Variants in DLC1 observed in about 807,000 individuals in gnomAD.
DLC1 encodes rho GTPase-activating protein 7.
A neutral mutation model predicts 140.3 loss-of-function variants in DLC1; 54 were observed. That is an observed-to-expected ratio of 0.38 (90% CI 0.31 to 0.48). The LOEUF (loss-of-function observed/expected upper bound fraction) is 0.48, where lower values mean the gene tolerates loss of function less well. Ranked by LOEUF, DLC1 falls within the 20% of genes least tolerant of loss-of-function variation. The probability of loss-of-function intolerance (pLI) is 0.96; values close to 1 mark genes in which losing one functional copy is unlikely to be tolerated. For synonymous variants in DLC1, 986 were observed against 728.1 expected, an observed-to-expected ratio of 1.35 and a Z score of -5.70; for missense variants, 2,536 against 1,907.0, an observed-to-expected ratio of 1.33 and a Z score of -6.14.
At chr8:13,341,895 G>C (rs974809067) in intron 4 of DLC1, 2 of 152,092 alleles carry the variant, frequency 1.3e-5, no homozygotes, top group African/African-American at 4.8e-5. Flanking sequence ...CATGAAATAA[G>C]GCAAATCAGC....
intron 4 of DLC1, among the ~76,000 whole-genome samples, chr8:13,375,524 G>A (rs1835936982): frequency 6.6e-6 from 1 of 152,082 alleles, no homozygotes; most frequent in Non-Finnish European, 1.5e-5. Context: ...TGAATGCCCT[G>A]GCTAGAACTT....
At position 13,496,786 on chromosome 8, in the gene DLC1, C is replaced by CT. The variant is rs869192950; in HGVS notation, c.1023+2262dup. Among the ~76,000 whole-genome samples the CT allele has an allele frequency of 2.6e-3, 61 of 23,496 alleles. 2 individuals carry two copies. Among genetic ancestry groups the CT allele is most frequent in the African/African-American group, 7.0e-3 (58 of 8,300 alleles). The allele number at this position is 23,496 out of a possible 152,430, so 15.4% of individuals were successfully genotyped here. Reference sequence around the variant, plus strand: ...AATTAACAAATTCTTAGACCATTTCCTTTTTTTTTTTTTTTTTTTTTTTTT... The same window carrying CT: ...AATTAACAAATTCTTAGACCATTTCCTTTTTTTTTTTTTTTTTTTTTTTTTT... On this transcript the variant is annotated intron_variant, in intron 2 of 17. Transcript: ENST00000276297.
At chr8:13,539,287 C>G (rs547085279) in intron 1 of DLC1, among the ~76,000 whole-genome samples, 66 of 152,198 alleles carry the variant, frequency 4.3e-4, no homozygotes, top group South Asian at 3.5e-3. Flanking sequence ...GCAAGCTCTG[C>G]CTCCTGAGTT....
intron 5 of DLC1, among the ~76,000 whole-genome samples, chr8:13,129,191 A>C (rs1821871799): frequency 6.6e-6 from 1 of 152,234 alleles, no homozygotes; most frequent in East Asian, 1.9e-4. Context: ...ATTCCTATAA[A>C]ACATACTTCA....
At position 13,206,271 on chromosome 8, in the gene DLC1, A is replaced by G. The variant is rs73558309; in HGVS notation, c.1349-90614T>C. 9.0e-3 allele frequency among the ~76,000 whole-genome samples: 1,373 copies of G among 152,300 alleles called. 27 individuals are homozygous for G. Among genetic ancestry groups the G allele is most frequent in the African/African-American group, 0.031 (1,303 of 41,572 alleles). On this transcript the variant is annotated intron_variant, in intron 5 of 17. Transcript: ENST00000276297. ...GAAAACAACGTGGTTAGCAGGCTAAAATACATTCCTTTGAATGTATTTCCC... is the reference window on the plus strand; with the variant it reads ...GAAAACAACGTGGTTAGCAGGCTAAGATACATTCCTTTGAATGTATTTCCC...
intron 5 of DLC1, among the ~76,000 whole-genome samples, chr8:13,231,853 G>T (rs1829059347): frequency 6.6e-6 from 1 of 152,186 alleles, no homozygotes; most frequent in African/African-American, 2.4e-5. Context: ...ATCGTTTCTT[G>T]TATGTAGATA....
At chr8:13,437,142 C>T (rs1246533410) in intron 2 of DLC1, among the ~76,000 whole-genome samples, 6 of 152,170 alleles carry the variant, frequency 3.9e-5, no homozygotes, top group South Asian at 2.1e-4. Flanking sequence ...CCTCTGTCTA[C>T]GCCATTCCTA....
In DLC1 at chr8:13,455,096, G is replaced by C. The variant is rs1799325003; in HGVS notation, c.1023+43953C>G. On this transcript the variant is annotated intron_variant, in intron 2 of 17. Coordinates refer to ENST00000276297, the MANE Select transcript of DLC1 (RefSeq NM_182643.3). Reference sequence around the variant, plus strand: ...ATTAGTTAGATAAGAGGTGTGAAATGACTCCATTGTTCATAACTCACACTT... The same window carrying C: ...ATTAGTTAGATAAGAGGTGTGAAATCACTCCATTGTTCATAACTCACACTT... 2.0e-5 allele frequency among the ~76,000 whole-genome samples: 3 copies of C among 152,058 alleles called. No homozygotes were observed. The South Asian group carries it at 6.2e-4, about 31-fold the overall frequency.
rs766285712 is a variant in DLC1, at chr8:13,094,929, T to A, written c.3356A>T (p.Lys1119Met). The change falls in exon 12 of 18, where the codon AAG (lysine) becomes ATG (methionine). Residue 1119 changes from lysine (K) to methionine (M), a missense_variant. Coordinates refer to ENST00000276297, the MANE Select transcript of DLC1 (RefSeq NM_182643.3). ...CTGGCGCAGAGCCTGAATCCGGGAC[T>A]TGACCCCCGATTTTCTGAAGAGCCC... is the stretch of plus-strand genomic sequence containing the variant. ...QVGLFRKSGVKSRIQALRQMN... is the reference protein window; with the variant it reads ...QVGLFRKSGVMSRIQALRQMN... 4.3e-6 allele frequency: 7 copies of A among 1,614,240 alleles called. 1 individual carries two copies. The highest frequency in any genetic ancestry group is 5.9e-6 in the Non-Finnish European group (7 of 1,180,042).
intron 2 of DLC1, among the ~76,000 whole-genome samples, chr8:13,497,449 C>G (rs1351063908): frequency 1.3e-5 from 2 of 152,166 alleles, no homozygotes; most frequent in African/African-American, 2.4e-5. Flanking sequence ...TGTCACAACA[C>G]TTTAGAATGA....
chr8:13,560,331 AT>A (rs1585274919), intron 1 of DLC1, among the ~76,000 whole-genome samples: 2 of 152,188 alleles, frequency 1.3e-5, no homozygotes, highest in East Asian at 3.9e-4. Flanking sequence ...TCTTAAAATA[AT>A]TTCTTACTTA....
intron 2 of DLC1, among the ~76,000 whole-genome samples, chr8:13,441,534 C>CA (rs1798510495): frequency 6.6e-6 from 1 of 152,068 alleles, no homozygotes; most frequent in Non-Finnish European, 1.5e-5. Context: ...AATCAATGTG[C>CA]AAAAATCACA....
At chr8:13,123,917 T>G (rs1419965442) in intron 5 of DLC1, among the ~76,000 whole-genome samples, 1 of 152,274 alleles carries the variant, frequency 6.6e-6, no homozygotes, top group East Asian at 1.9e-4. Context: ...TTCTACATTG[T>G]AACATGGTAC....
chr8:13,564,864 G>T (rs1456185513), intron 1 of DLC1, among the ~76,000 whole-genome samples: 2 of 152,146 alleles, frequency 1.3e-5, no homozygotes, highest in East Asian at 3.9e-4. Context: ...GGCCAAGAGA[G>T]CCTGACTGGA....
rs755319272 is a variant in DLC1 at position 13,088,694 on chromosome 8, C to A, written c.4085G>T (p.Gly1362Val). ...AELSYKKVSE[G>V]PPLRLWRSVI... ...TGACCTCCAAAGCCTCAGAGGGGGT[C>A]CTTCGCTCACCTGGAAAGAGGATGT... is the stretch of plus-strand genomic sequence containing the variant. Residue 1362 changes from glycine (G) to valine (V), a missense_variant, in exon 16 of 18, where the codon GGA (glycine) becomes GTA (valine). Physicochemically the swap from Gly to Val is moderately radical, Grantham distance 109. Coordinates refer to ENST00000276297, the MANE Select transcript of DLC1 (RefSeq NM_182643.3). The A allele has an allele frequency of 1.2e-6, 2 of 1,614,006 alleles. No homozygotes were observed. Among genetic ancestry groups the A allele is most frequent in the Admixed American group, 1.7e-5 (1 of 60,002 alleles).
intron 2 of DLC1, among the ~76,000 whole-genome samples, chr8:13,410,645 A>G (rs535533002): frequency 1.4e-5 from 2 of 140,464 alleles, no homozygotes; most frequent in African/African-American, 5.2e-5. Context: ...AATGAGCAAG[A>G]CCATTATAAA....
In DLC1 at chr8:13,453,526, ATG is replaced by A. The variant is rs1213680579; in HGVS notation, c.1023+45521_1023+45522del. On this transcript the variant is annotated intron_variant, in intron 2 of 17. Transcript: ENST00000276297. ...TGTATATATATATACATATATATAT[ATG>A]TATATATATACATATATATATATAT... Among the ~76,000 whole-genome samples, 240 of 47,990 alleles carry A rather than the reference ATG, an allele frequency of 5.0e-3. 2 individuals carry two copies. Among genetic ancestry groups the A allele is most frequent in the Non-Finnish European group, 6.4e-3 (188 of 29,200 alleles). The allele number at this position is 47,990 out of a possible 152,430, so 31.5% of individuals were successfully genotyped here.
chr8:13,394,565 A>G (rs974872635), intron 3 of DLC1, among the ~76,000 whole-genome samples: 4 of 152,070 alleles, frequency 2.6e-5, no homozygotes, highest in African/African-American at 9.7e-5. Context: ...GGAGGGGGAA[A>G]TTGCAGAGGG....
intron 5 of DLC1, among the ~76,000 whole-genome samples, chr8:13,303,977 C>A (rs535588309): frequency 3.7e-4 from 57 of 152,266 alleles, no homozygotes; most frequent in Non-Finnish European, 6.5e-4. Context: ...TCCTGACCAG[C>A]CAACAACTCA....
Sources: allele counts gnomAD v4.1 joint callset (sites outside exome capture counted in the v4.1 genomes callset), GRCh38; gene constraint gnomAD v4.1.1; transcripts MANE v1.5; gene names NCBI Gene and HGNC (gene_info 2026-07-23, HGNC 2026-07-21).